The following ITGB2 variants were observed in gnomAD, a reference collection of about 807,000 sequenced individuals.
ITGB2 encodes integrin subunit beta 2.
A neutral mutation model predicts 86.8 loss-of-function variants in ITGB2; 56 were observed. The ratio of observed to expected loss-of-function variants is 0.65; its 90% CI spans 0.52 to 0.81. The LOEUF is 0.81. Among genes scored for constraint, ITGB2 ranks in the 30% least tolerant of loss-of-function variants. The pLI is 0.00. For synonymous variants in ITGB2, 457 were observed against 450.4 expected (o/e 1.01, Z -0.19); for missense variants, 948 against 1,061.2 (o/e 0.89, Z 1.48).
rs146607419 is a variant in ITGB2, at chr21:44,889,687, C to A, written c.1658-192G>T. Among the ~76,000 whole-genome samples the A allele has an allele frequency of 1.4e-4, 21 of 152,346 alleles. No individual in the cohort carries two copies. The East Asian group carries it at 4.1e-3, about 29-fold the overall frequency. On this transcript the variant is annotated intron_variant, in intron 12 of 15. Transcript: ENST00000652462. Reference sequence around the variant, plus strand: ...GCCACGTGGCCGCCTCCTGGCCAGTCTGGACCTCCCCTGCCCTGCTGTGAA... The same window carrying A: ...GCCACGTGGCCGCCTCCTGGCCAGTATGGACCTCCCCTGCCCTGCTGTGAA...
chr21:44,906,227 C>A (rs2084041287), intron 4 of ITGB2, among the ~76,000 whole-genome samples: 1 of 149,426 alleles, frequency 6.7e-6, no homozygotes, highest in Non-Finnish European at 1.5e-5. Flanking sequence ...CAGAATCTCG[C>A]CCTGTCGCCC....
At chr21:44,889,915 A>AC (rs1159055749) in intron 12 of ITGB2, 63 bp downstream of exon 12, 8 of 1,602,264 alleles carry the variant, frequency 5.0e-6, no homozygotes, top group South Asian at 1.1e-5. Flanking sequence ...TCCAGAACGC[A>AC]CCCCCCAACA....
At chr21:44,909,515 T>A (rs186615527) in intron 3 of ITGB2, 1 of 152,144 alleles carries the variant, frequency 6.6e-6, no homozygotes, top group Non-Finnish European at 1.5e-5. Context: ...TTCAGAGCGT[T>A]AGACGGCTGA....
chr21:44,891,908 G>A lies in ITGB2; in HGVS notation c.1313C>T (p.Thr438Ile). The A allele has an allele frequency of 6.2e-7, 1 of 1,613,356 alleles. No homozygotes were observed. Among genetic ancestry groups the A allele is most frequent in the Non-Finnish European group, 8.5e-7 (1 of 1,180,000 alleles). The change falls in exon 11 of 16, where the codon ACC becomes ATC. Residue 438 changes from threonine to isoleucine, a missense_variant. By Grantham distance (89) the Thr-to-Ile change is moderately conservative. Transcript: ENST00000652462. ...IRALGFTDIV[T>I]VQVLPQCECR... Reference sequence around the variant, plus strand: ...CTCACACTGGGGAAGAACCTGCACGGTCACTATGTCCGTGAAGCCCAGCGC... The same window carrying A: ...CTCACACTGGGGAAGAACCTGCACGATCACTATGTCCGTGAAGCCCAGCGC...
In ITGB2 at chr21:44,890,136, T is replaced by C. The variant is rs745524920; in HGVS notation, c.1499A>G (p.Asp500Gly). The C allele has an allele frequency of 5.0e-6, 8 of 1,613,462 alleles. No homozygotes were observed. Among genetic ancestry groups the C allele is most frequent in the Non-Finnish European group, 6.8e-6 (8 of 1,180,010 alleles). The change falls in exon 12 of 16, where the codon GAC becomes GGC. Residue 500 changes from aspartate to glycine, a missense_variant. Physicochemically the swap from Asp to Gly is moderately conservative, Grantham distance 94. Coordinates refer to ENST00000652462, the MANE Select transcript of ITGB2 (RefSeq NM_000211.5). ...SQELEGSCRKDNNSIICSGLG... is the reference protein window; with the variant it reads ...SQELEGSCRKGNNSIICSGLG... The stretch of plus-strand genomic sequence containing the variant: ...CCCTGAGCAGATGATGGAGTTGTTG[T>C]CCTTCCGGCAGCTTCCTTCCAGCTC...
rs375358624 is a variant in ITGB2 at position 44,894,960 on chromosome 21, G to C, written c.1083+11C>G. On this transcript the variant is annotated intron_variant, in intron 9 of 15. Transcript: ENST00000652462. ...CCCATGGGTCCCAGCTGAGTGGTGC[G>C]GGAGACTCACATTGTAAGCATTCTT... The C allele has an allele frequency of 6.4e-7, 1 of 1,571,380 alleles. No individual in the cohort carries two copies.
chr21:44,894,980 A>G lies in ITGB2; in HGVS notation c.1074T>C (p.Asn358=), dbSNP rs2083842460. Residue 358 remains asparagine, a synonymous_variant, in exon 9 of 16, where the codon AAT becomes AAC. Transcript: ENST00000652462. The part of the protein sequence containing the change: ...DSSNVVHLIK[N]AYNKLSSRVF... The stretch of plus-strand genomic sequence containing the variant: ...GGTGCGGGAGACTCACATTGTAAGC[A>G]TTCTTAATGAGATGGACCACATTGC... 1 of 1,607,782 alleles carries G rather than the reference A, an allele frequency of 6.2e-7. No homozygotes were observed. The highest frequency in any genetic ancestry group is 8.5e-7 in the Non-Finnish European group (1 of 1,174,508).
chr21:44,918,181 T>TGTCACTGACCCCTGTGGCAGCTGGC (rs1459451960), intron 1 of ITGB2, among the ~76,000 whole-genome samples: 2 of 152,240 alleles, frequency 1.3e-5, no homozygotes, highest in Admixed American at 6.5e-5. Context: ...CAAATGCCTG[T>TGTCACTGACCCCTGTGGCAGCTGGC]GTCACTGACC....
chr21:44,900,801 G>T (rs974864501), intron 6 of ITGB2, among the ~76,000 whole-genome samples: 1 of 152,212 alleles, frequency 6.6e-6, no homozygotes, highest in Non-Finnish European at 1.5e-5. Context: ...AAAAACCCTC[G>T]CAGACGTGTG....
intron 3 of ITGB2, among the ~76,000 whole-genome samples, chr21:44,910,042 T>C (rs2084105270): frequency 6.6e-6 from 1 of 152,254 alleles, no homozygotes; most frequent in Non-Finnish European, 1.5e-5. Context: ...AAGGGCTCCA[T>C]GTCTACAACC....
chr21:44,890,282 C>A, intron 11 of ITGB2, 60 bp from the exon 12 acceptor site: 6 of 1,603,066 alleles, frequency 3.7e-6, no homozygotes, highest in Non-Finnish European at 5.1e-6. Context: ...CAAGGGACAG[C>A]CGCCCTGTCC....
intron 2 of ITGB2, 46 bp from the exon 3 acceptor site, chr21:44,910,418 G>T (rs765885550): frequency 1.9e-6 from 3 of 1,613,082 alleles, no homozygotes; most frequent in Admixed American, 1.7e-5. Context: ...GGGCCGCCCT[G>T]CCCACACCCA....
At chr21:44,925,279 T>C (rs990376738), upstream of ITGB2, among the ~76,000 whole-genome samples, 90 of 152,178 alleles carry the variant, frequency 5.9e-4, no homozygotes, top group African/African-American at 2.2e-3. Flanking sequence ...TGTTGTTTCT[T>C]TCTTTCTTTT....
At chr21:44,910,855 C>T in intron 1 of ITGB2, 70 bp from the exon 2 acceptor site, 5 of 1,498,824 alleles carry the variant, frequency 3.3e-6, no homozygotes, top group Non-Finnish European at 4.6e-6. Flanking sequence ...ATGAAGCTCC[C>T]CTCCAGCTGG....
chr21:44,892,891 C>A (rs916587449), intron 10 of ITGB2: 14 of 171,370 alleles, frequency 8.2e-5, no homozygotes, highest in Admixed American at 7.7e-4. Context: ...ATGAAACACG[C>A]AGAAAATCAT....
chr21:44,888,509 G>C (rs918503080), intron 14 of ITGB2, among the ~76,000 whole-genome samples, 184 bp downstream of exon 14: 2 of 152,206 alleles, frequency 1.3e-5, no homozygotes, highest in Admixed American at 1.3e-4. Context: ...AGGGGAGGCT[G>C]CTGGGGGTGA....
rs28760483 is a variant in ITGB2 at position 44,892,828 on chromosome 21, A to T, written c.1224+576T>A. On this transcript the variant is annotated intron_variant, in intron 10 of 15. Transcript: ENST00000652462. ...AGATTAGAGAAGGAACTCAGTGTCC[A>T]TTCCTAACCACCTGTGTGGCCCATG... 372 of 157,652 alleles carry T rather than the reference A, an allele frequency of 2.4e-3. 1 individual carries two copies. Among genetic ancestry groups the T allele is most frequent in the African/African-American group, 8.6e-3 (356 of 41,628 alleles). 9.8% of individuals were successfully genotyped at this position (157,652 alleles called of 1,614,324 possible).
chr21:44,887,016 G>C (rs749569418), intron 14 of ITGB2, 114 bp from the exon 15 acceptor site: 8 of 1,311,076 alleles, frequency 6.1e-6, no homozygotes, highest in Non-Finnish European at 7.5e-6. Context: ...GAGGTTCCCA[G>C]GGCCCCGGCT....
At chr21:44,899,697 C>T (rs1226811081) in intron 7 of ITGB2, among the ~76,000 whole-genome samples, 1 of 152,222 alleles carries the variant, frequency 6.6e-6, no homozygotes, top group African/African-American at 2.4e-5. Flanking sequence ...GTGGTTGCCT[C>T]TCGGCCCACG....
Sources: allele counts gnomAD v4.1 joint callset (sites outside exome capture counted in the v4.1 genomes callset), GRCh38; gene constraint gnomAD v4.1.1; transcripts MANE v1.5; gene names NCBI Gene and HGNC (gene_info 2026-07-23, HGNC 2026-07-21).